Variants in RFX6 observed in about 807,000 individuals in gnomAD.
The protein encoded by RFX6 is regulatory factor X6.
A neutral mutation model predicts 110.8 loss-of-function variants in RFX6; 50 were observed. That is an observed-to-expected ratio of 0.45 (90% CI 0.36 to 0.57). The LOEUF (loss-of-function observed/expected upper bound fraction) is 0.57, where lower values mean the gene tolerates loss of function less well. Among genes scored for constraint, RFX6 ranks in the 20% least tolerant of loss-of-function variants. The pLI, the probability that RFX6 is intolerant of heterozygous loss-of-function variation, is 0.00. For missense variants in RFX6, 990 were observed against 1,127.0 expected (o/e 0.88, Z 1.74); for synonymous variants, 383 against 411.2 (o/e 0.93, Z 0.83).
At chr6:116,903,550 A>G (rs1259732652) in intron 6 of RFX6, among the ~76,000 whole-genome samples, 1 of 151,964 alleles carries the variant, frequency 6.6e-6, no homozygotes, top group Non-Finnish European at 1.5e-5. Flanking sequence ...CACCCACTTC[A>G]ATCACTTTTT....
intron 6 of RFX6, among the ~76,000 whole-genome samples, chr6:116,900,455 A>T (rs1416476766): frequency 6.6e-6 from 1 of 151,998 alleles, no homozygotes; most frequent in Non-Finnish European, 1.5e-5. Flanking sequence ...GGGTTTTGTC[A>T]TGTTGGCCAG....
rs1775814236 is a variant in RFX6 at position 116,928,836 on chromosome 6, A to G, written c.2476A>G (p.Ser826Gly). 3.7e-6 allele frequency: 6 copies of G among 1,613,928 alleles called. No individual in the cohort carries two copies. The highest frequency in any genetic ancestry group is 1.1e-5 in the South Asian group (1 of 91,086). ...GGTGAATCAGCACGTTTCTGTCATC[A>G]GCAGCATTCGTTCACTGCCCCCCTA... The part of the protein sequence containing the change: ...SMVNQHVSVI[S>G]SIRSLPPYSD... The change falls in exon 18 of 19, where the codon AGC (serine) becomes GGC (glycine). Residue 826 changes from serine (S) to glycine (G), a missense_variant. Coordinates refer to ENST00000332958, the MANE Select transcript of RFX6 (RefSeq NM_173560.4).
chr6:116,899,452 T>A (rs1270738701), intron 6 of RFX6, among the ~76,000 whole-genome samples: 1 of 152,172 alleles, frequency 6.6e-6, no homozygotes, highest in Non-Finnish European at 1.5e-5. Context: ...GACATGATAC[T>A]GAGTCAACTG....
intron 4 of RFX6, 126 bp downstream of exon 4, chr6:116,882,554 T>C: frequency 1.5e-6 from 1 of 667,078 alleles, no homozygotes; most frequent in Non-Finnish European, 2.7e-6. Flanking sequence ...CAGACTTTTA[T>C]CAACTGTGAG....
intron 6 of RFX6, among the ~76,000 whole-genome samples, chr6:116,900,998 CTG>C (rs567419055): frequency 0.014 from 2,097 of 152,250 alleles, 57 homozygotes; most frequent in African/African-American, 0.047. Flanking sequence ...TCAGTAGAAA[CTG>C]TACTTCGAGT....
At position 116,931,760 on chromosome 6, in the gene RFX6, G is replaced by A. The variant is rs979113375; in HGVS notation, c.*254G>A. ...AAAATTATCAAATAAAACCAGTGAA[G>A]ATCTGAAGATGCAAACATTTCAACT... On this transcript the variant is annotated 3_prime_UTR_variant, in exon 19 of 19. Transcript: ENST00000332958. 1 of 375,944 alleles carries A rather than the reference G, an allele frequency of 2.7e-6. No individual in the cohort carries two copies. The highest frequency in any genetic ancestry group is 4.8e-6 in the Non-Finnish European group (1 of 209,356). 23.3% of individuals were successfully genotyped at this position (375,944 alleles called of 1,614,324 possible).
At position 116,917,323 on chromosome 6, in the gene RFX6, A is replaced by G. The variant is rs1582531435; in HGVS notation, c.973-714A>G. Among the ~76,000 whole-genome samples the G allele has an allele frequency of 2.0e-5, 3 of 146,542 alleles. No homozygotes were observed. In the South Asian group the frequency reaches 6.7e-4, roughly 33 times the overall value. On this transcript the variant is annotated intron_variant, in intron 9 of 18. Transcript: ENST00000332958. Reference sequence around the variant, plus strand: ...TCAAGTTGAAAAAATTTCAGAGGAGAGTAAGGATTGTCTTGTTTTTTTTTT... The same window carrying G: ...TCAAGTTGAAAAAATTTCAGAGGAGGGTAAGGATTGTCTTGTTTTTTTTTT...
At chr6:116,911,441 C>T (rs1261545058) in intron 7 of RFX6, among the ~76,000 whole-genome samples, 1 of 152,142 alleles carries the variant, frequency 6.6e-6, no homozygotes, top group Non-Finnish European at 1.5e-5. Flanking sequence ...GTCCCTAGCA[C>T]TGAGGGACAT....
rs773713991 is a variant in RFX6, at chr6:116,894,017, G to C, written c.597G>C (p.Glu199Asp). Residue 199 changes from glutamate to aspartate, a missense_variant, in exon 5 of 19, where the codon GAG becomes GAC. By Grantham distance (45) the Glu-to-Asp change is conservative (BLOSUM62 2). Coordinates refer to ENST00000332958, the MANE Select transcript of RFX6 (RefSeq NM_173560.4). ...KYHYYGIGIK[E>D]SSAYYHSVYS... ...ATTACTATGGGATTGGCATCAAAGAGAGCAGTGCATATTACCACTCCGTTT... is the reference window on the plus strand; with the variant it reads ...ATTACTATGGGATTGGCATCAAAGACAGCAGTGCATATTACCACTCCGTTT... 1 of 1,604,440 alleles carries C rather than the reference G, an allele frequency of 6.2e-7. No individual in the cohort carries two copies. Among genetic ancestry groups the C allele is most frequent in the Non-Finnish European group, 8.5e-7 (1 of 1,171,310 alleles).
intron 4 of RFX6, among the ~76,000 whole-genome samples, chr6:116,883,147 T>C (rs796809382): frequency 3.9e-5 from 6 of 152,242 alleles, no homozygotes; most frequent in African/African-American, 1.4e-4. Flanking sequence ...ATTTCCCCCT[T>C]TGAGCTGTTG....
intron 9 of RFX6, among the ~76,000 whole-genome samples, chr6:116,917,161 C>T (rs1226202525): frequency 1.3e-5 from 2 of 151,950 alleles, no homozygotes; most frequent in African/African-American, 2.4e-5. Flanking sequence ...GTCCAGAAGC[C>T]CCTAAGCAGA....
chr6:116,926,621 G>T (rs1383044362), intron 16 of RFX6, among the ~76,000 whole-genome samples: 1 of 152,150 alleles, frequency 6.6e-6, no homozygotes, highest in Non-Finnish European at 1.5e-5. Flanking sequence ...ATGACATTTT[G>T]AATTGACTGC....
At chr6:116,881,254 A>G (rs1416800334) in intron 3 of RFX6, among the ~76,000 whole-genome samples, 1 of 152,000 alleles carries the variant, frequency 6.6e-6, no homozygotes, top group Non-Finnish European at 1.5e-5. Flanking sequence ...AGAGAGAGAC[A>G]TCACTTTGAG....
Position 116,931,564 on chromosome 6 carries a change from T to C in RFX6, c.*58T>C. ...AAAAAAAATCTCTACTGTGCAAATATCATTATTCACTCAGACTTCCATAAG... is the reference window on the plus strand; with the variant it reads ...AAAAAAAATCTCTACTGTGCAAATACCATTATTCACTCAGACTTCCATAAG... On this transcript the variant is annotated 3_prime_UTR_variant, in exon 19 of 19. Transcript: ENST00000332958. 8.2e-7 allele frequency: 1 copy of C among 1,224,888 alleles called. No homozygotes were observed. Among genetic ancestry groups the C allele is most frequent in the East Asian group, 2.5e-5 (1 of 40,520 alleles). The allele number at this position is 1,224,888 out of a possible 1,614,324, so 75.9% of individuals were successfully genotyped here. A position where few individuals can be genotyped will look rare whatever the true frequency, so the allele number is the denominator to read the frequency against.
In RFX6 at chr6:116,924,797, T is replaced by C; in HGVS notation, c.1678+6T>C. Reference sequence around the variant, plus strand: ...CAAGTATATGAAGAATTCAGGTAACTTAAAATAACTGTTTTGTTTTGCATA... The same window carrying C: ...CAAGTATATGAAGAATTCAGGTAACCTAAAATAACTGTTTTGTTTTGCATA... On this transcript the variant is annotated splice_donor_region_variant and intron_variant, in intron 15 of 18. Coordinates refer to ENST00000332958, the MANE Select transcript of RFX6 (RefSeq NM_173560.4). 1 of 1,561,402 alleles carries C rather than the reference T, an allele frequency of 6.4e-7. No homozygotes were observed. The highest frequency in any genetic ancestry group is 1.4e-5 in the African/African-American group (1 of 74,018).
intron 6 of RFX6, among the ~76,000 whole-genome samples, chr6:116,907,274 G>C (rs1365676101): frequency 6.6e-6 from 1 of 152,002 alleles, no homozygotes; most frequent in Non-Finnish European, 1.5e-5. Context: ...ATTTTGTGGA[G>C]AGTTTTTGCA....
At chr6:116,908,779 A>G (rs1399709814) in intron 6 of RFX6, among the ~76,000 whole-genome samples, 4 of 151,932 alleles carry the variant, frequency 2.6e-5, no homozygotes, top group African/African-American at 9.7e-5. Context: ...TTTTTCCTGC[A>G]TCAGTTGAGA....
At chr6:116,920,476 A>C in intron 12 of RFX6, 22 bp downstream of exon 12, 3 of 1,607,782 alleles carry the variant, frequency 1.9e-6, no homozygotes, top group Non-Finnish European at 2.6e-6. Context: ...CTCTTTGTTT[A>C]GAACAAGGTT....
intron 3 of RFX6, among the ~76,000 whole-genome samples, chr6:116,881,166 T>G (rs1774582062): frequency 6.6e-6 from 1 of 152,072 alleles, no homozygotes; most frequent in Non-Finnish European, 1.5e-5. Context: ...TTCTCTCATT[T>G]AAAAATATTT....
Sources: gnomAD v4.1 joint callset for allele counts (sites outside exome capture counted in the v4.1 genomes callset) on GRCh38, gnomAD v4.1.1 for gene constraint, MANE v1.5 for transcripts, NCBI Gene and HGNC (gene_info 2026-07-23, HGNC 2026-07-21) for gene names.